The following KSR2 variants were observed in gnomAD, a reference collection of about 807,000 sequenced individuals.
The protein encoded by KSR2 is kinase suppressor of ras 2.
KSR2 carries 25 observed loss-of-function variants against 107.8 expected under a neutral mutation model. That is an observed-to-expected ratio of 0.23 (90% CI 0.17 to 0.32). The LOEUF (loss-of-function observed/expected upper bound fraction) is 0.32, where lower values mean the gene tolerates loss of function less well. Among genes scored for constraint, KSR2 ranks in the 10% least tolerant of loss-of-function variants. The pLI is 1.00. For synonymous variants in KSR2, 480 were observed against 507.0 expected (o/e 0.95, Z 0.71); for missense variants, 887 against 1,268.9 (o/e 0.70, Z 4.57).
At chr12:117,516,302 C>T (rs1453047700) in intron 14 of KSR2, among the ~76,000 whole-genome samples, 1 of 152,108 alleles carries the variant, frequency 6.6e-6, no homozygotes, top group Admixed American at 6.6e-5. Flanking sequence ...CGAGATCTCC[C>T]TCTGGATGGC....
chr12:117,770,420 T>G (rs2136908257), intron 3 of KSR2, among the ~76,000 whole-genome samples: 1 of 152,126 alleles, frequency 6.6e-6, no homozygotes, highest in South Asian at 2.1e-4. Flanking sequence ...TCCCAGAGCC[T>G]TTGGAGGCAC....
intron 14 of KSR2, among the ~76,000 whole-genome samples, chr12:117,501,374 C>A (rs181082392): frequency 6.6e-6 from 1 of 152,322 alleles, no homozygotes; most frequent in East Asian, 1.9e-4. Flanking sequence ...GTGGAGCCAA[C>A]AGAAATTGGG....
rs182495475 is a variant in KSR2 at position 117,942,881 on chromosome 12, C to T, written c.180+25195G>A. 2.6e-3 allele frequency among the ~76,000 whole-genome samples: 401 copies of T among 152,074 alleles called. 1 individual carries two copies. The highest frequency in any genetic ancestry group is 9.1e-3 in the African/African-American group (377 of 41,488). ...TTTATTAAGGCTGTGTTTATGAGAGCGAAAAACTAGAAATAATCTAAGTCA... is the reference window on the plus strand; with the variant it reads ...TTTATTAAGGCTGTGTTTATGAGAGTGAAAAACTAGAAATAATCTAAGTCA... On this transcript the variant is annotated intron_variant, in intron 1 of 19. Coordinates refer to ENST00000339824, the MANE Select transcript of KSR2 (RefSeq NM_173598.6).
chr12:117,467,179 G>A lies in KSR2; in HGVS notation c.*20C>T, dbSNP rs369478591. 11 of 714,218 alleles carry A rather than the reference G, an allele frequency of 1.5e-5. No individual in the cohort carries two copies. The Middle Eastern group carries it at 9.8e-4, about 64-fold the overall frequency. The allele number at this position is 714,218 out of a possible 1,614,324, so 44.2% of individuals were successfully genotyped here. On this transcript the variant is annotated 3_prime_UTR_variant, in exon 20 of 20. Transcript: ENST00000339824. ...GTGACGGGAGCCCAGGCAGCTGGGC[G>A]CCGTCCCGATGTCCAAAGGTCACAG...
At chr12:117,510,148 C>G (rs976068657) in intron 14 of KSR2, among the ~76,000 whole-genome samples, 1 of 152,216 alleles carries the variant, frequency 6.6e-6, no homozygotes, top group African/African-American at 2.4e-5. Flanking sequence ...GCTTTGACAA[C>G]AGCAGGCATG....
chr12:117,812,060 A>T (rs1477497321), intron 3 of KSR2, among the ~76,000 whole-genome samples: 1 of 152,054 alleles, frequency 6.6e-6, no homozygotes. Flanking sequence ...TTGGAAAAAA[A>T]TAAGGTCCCA....
chr12:117,806,907 G>A (rs1891029500), intron 3 of KSR2, among the ~76,000 whole-genome samples: 1 of 152,162 alleles, frequency 6.6e-6, no homozygotes, highest in East Asian at 1.9e-4. Flanking sequence ...CAATTCACCT[G>A]CTGTACAGGC....
rs116714760 is a variant in KSR2 at position 117,568,296 on chromosome 12, A to C, written c.1326-9723T>G. On this transcript the variant is annotated intron_variant, in intron 7 of 19. Transcript: ENST00000339824. ...ACAAAGATCCATTTGTCATCTTTCA[A>C]TTCAAGAAAGGATGATGGGAGCATG... 4.7e-3 allele frequency among the ~76,000 whole-genome samples: 709 copies of C among 152,308 alleles called. 7 individuals are homozygous for C. The highest frequency in any genetic ancestry group is 0.015 in the African/African-American group (629 of 41,570).
chr12:117,574,131 A>G (rs1879094165), intron 7 of KSR2, among the ~76,000 whole-genome samples: 3 of 152,176 alleles, frequency 2.0e-5, no homozygotes, highest in African/African-American at 4.8e-5. Context: ...AGAAATAGAC[A>G]TTCTAGGAGT....
intron 4 of KSR2, among the ~76,000 whole-genome samples, chr12:117,679,614 C>T (rs889315500): frequency 5.3e-5 from 8 of 152,198 alleles, no homozygotes; most frequent in Admixed American, 4.6e-4. Context: ...CAGCAGAAAT[C>T]TCAAATCAGA....
intron 5 of KSR2, among the ~76,000 whole-genome samples, chr12:117,588,692 T>C (rs1445154475): frequency 1.3e-5 from 2 of 152,234 alleles, no homozygotes; most frequent in Admixed American, 1.3e-4. Context: ...AAATACTCTG[T>C]GTGGTAGGGA....
intron 3 of KSR2, among the ~76,000 whole-genome samples, chr12:117,822,181 C>T (rs532993078): frequency 3.9e-5 from 6 of 152,312 alleles, no homozygotes; most frequent in African/African-American, 1.2e-4. Flanking sequence ...CCTTGTTTAG[C>T]ATATCATCAA....
intron 3 of KSR2, among the ~76,000 whole-genome samples, chr12:117,843,358 T>C (rs939292367): frequency 2.6e-5 from 4 of 152,218 alleles, no homozygotes; most frequent in Admixed American, 1.3e-4. Flanking sequence ...CAGCAATGGC[T>C]ACAAGGGGCC....
intron 14 of KSR2, among the ~76,000 whole-genome samples, chr12:117,502,657 C>G (rs1873450113): frequency 6.6e-6 from 1 of 151,992 alleles, no homozygotes; most frequent in African/African-American, 2.4e-5. Context: ...AGTGACTAAA[C>G]TTTAGGGTAT....
At chr12:117,571,328 G>C in intron 7 of KSR2, among the ~76,000 whole-genome samples, 1 of 152,188 alleles carries the variant, frequency 6.6e-6, no homozygotes. Context: ...GCCAGGCATG[G>C]ATGTGGTTTC....
intron 14 of KSR2, among the ~76,000 whole-genome samples, chr12:117,505,356 C>T (rs1320247850): frequency 2.0e-5 from 3 of 152,198 alleles, no homozygotes; most frequent in East Asian, 1.9e-4. Flanking sequence ...AGAGGCAGCA[C>T]ATGGTGGATG....
intron 16 of KSR2, among the ~76,000 whole-genome samples, chr12:117,482,053 T>C (rs1183977049): frequency 6.6e-6 from 1 of 152,096 alleles, no homozygotes; most frequent in Non-Finnish European, 1.5e-5. Context: ...ACCCCAGAGT[T>C]CCACCTCCCT....
chr12:117,812,054 A>C (rs1258901665), intron 3 of KSR2, among the ~76,000 whole-genome samples: 4 of 152,016 alleles, frequency 2.6e-5, no homozygotes, highest in Non-Finnish European at 5.9e-5. Flanking sequence ...TTTTTCTTGG[A>C]AAAAAATAAG....
chr12:117,515,416 T>C (rs768880316), intron 14 of KSR2, among the ~76,000 whole-genome samples: 9 of 152,174 alleles, frequency 5.9e-5, no homozygotes, highest in Non-Finnish European at 1.3e-4. Flanking sequence ...TGTGTGTGAA[T>C]GTATTTTTGT....
Sources: allele counts gnomAD v4.1 joint callset (sites outside exome capture counted in the v4.1 genomes callset), GRCh38; gene constraint gnomAD v4.1.1; transcripts MANE v1.5; gene names NCBI Gene and HGNC (gene_info 2026-07-23, HGNC 2026-07-21).